The following TYK2 variants were observed in gnomAD, a reference collection of about 807,000 sequenced individuals.
TYK2 encodes the protein non-receptor tyrosine-protein kinase TYK2.
In TYK2, 65 loss-of-function variants were observed where a neutral mutation model predicts 130.9. The ratio of observed to expected loss-of-function variants is 0.50; its 90% CI spans 0.41 to 0.61. The LOEUF (loss-of-function observed/expected upper bound fraction) is 0.61. Among genes scored for constraint, TYK2 ranks in the 20% least tolerant of loss-of-function variants. The probability of loss-of-function intolerance (pLI) is 0.00; values close to 1 mark genes in which losing one functional copy is unlikely to be tolerated. For synonymous variants in TYK2, 647 were observed against 658.9 expected (o/e 0.98, Z 0.28); for missense variants, 1,378 against 1,610.7 (o/e 0.86, Z 2.47).
At chr19:10,379,535 A>C (rs926064835) in intron 2 of TYK2, 80 bp downstream of exon 2, 1 of 151,050 alleles carries the variant, frequency 6.6e-6, no homozygotes, top group African/African-American at 2.4e-5. Context: ...AAATAAATAA[A>C]TAAATAAAAA....
chr19:10,364,763 G>A lies in TYK2; in HGVS notation c.1218C>T (p.Ser406=). Residue 406 remains serine, a synonymous_variant, in exon 9 of 25, where the codon AGC becomes AGT. Transcript: ENST00000525621. This position sits in a 1 kb window ranked among gnomAD's most constrained non-coding sequence, Gnocchi z 4.9. The part of the protein sequence containing the change: ...HRQDNKCLEL[S]LPSRAAALSF... ...ACAGCGCCGCAGCCCGGGAAGGCAA[G>A]CTCAGCTCCTGCCAGCCAGGGGCGC... 6.2e-7 allele frequency: 1 copy of A among 1,613,996 alleles called. No homozygotes were observed. Among genetic ancestry groups the A allele is most frequent in the African/African-American group, 1.3e-5 (1 of 75,066 alleles).
intron 18 of TYK2, 63 bp downstream of exon 18, chr19:10,356,505 A>ATTG: frequency 6.3e-7 from 1 of 1,599,846 alleles, no homozygotes; most frequent in Non-Finnish European, 8.5e-7. Context: ...CGCTATAGGC[A>ATTG]TACAGCAGGG....
intron 17 of TYK2, 83 bp from the exon 18 acceptor site, chr19:10,356,801 A>G: frequency 2.1e-6 from 3 of 1,459,284 alleles, no homozygotes; most frequent in Non-Finnish European, 2.8e-6. Context: ...AAGTCCCCAG[A>G]GTGGACCGCC....
intron 3 of TYK2, among the ~76,000 whole-genome samples, chr19:10,369,006 G>A (rs567047824): frequency 5.3e-5 from 8 of 152,054 alleles, no homozygotes; most frequent in South Asian, 2.1e-4. Flanking sequence ...ACGAGGTTTC[G>A]CCATGTTGGC....
intron 3 of TYK2, among the ~76,000 whole-genome samples, chr19:10,371,460 G>A (rs2041904352): frequency 6.6e-6 from 1 of 151,796 alleles, no homozygotes; most frequent in Admixed American, 6.6e-5. Context: ...GACCAAAATG[G>A]AGAAACCCCG....
Position 10,378,439 on chromosome 19 carries a change from C to A in TYK2, c.-20-13G>T. The A allele has an allele frequency of 5.0e-6, 8 of 1,599,130 alleles. No homozygotes were observed. The highest frequency in any genetic ancestry group is 6.8e-6 in the Non-Finnish European group (8 of 1,177,318). ...GCAGGTGGCTCAGCTGGAAAGGGGACAATCTGTCAGCTCCCAAGTCTCAGC... is the reference window on the plus strand; with the variant it reads ...GCAGGTGGCTCAGCTGGAAAGGGGAAAATCTGTCAGCTCCCAAGTCTCAGC... On this transcript the variant is annotated splice_polypyrimidine_tract_variant and intron_variant, in intron 2 of 24. Coordinates refer to ENST00000525621, the MANE Select transcript of TYK2 (RefSeq NM_003331.5).
rs1316426026 is a variant in TYK2 at position 10,358,126 on chromosome 19, G to A, written c.2188C>T (p.Leu730=). The change falls in exon 16 of 25, where the codon CTG becomes TTG. Residue 730 remains leucine, a synonymous_variant. Coordinates refer to ENST00000525621, the MANE Select transcript of TYK2 (RefSeq NM_003331.5). The stretch of plus-strand genomic sequence containing the variant: ...CGGCCACACACATTACCATGAACCA[G>A]GTTCTTGTTCTCCTGAGGTGGGCAG... The part of the protein sequence containing the change: ...SALSYLENKN[L]VHGNVCGRNI... The A allele has an allele frequency of 1.2e-6, 2 of 1,609,432 alleles. No individual in the cohort carries two copies. The highest frequency in any genetic ancestry group is 1.7e-6 in the Non-Finnish European group (2 of 1,178,380).
rs1414549586 is a variant in TYK2 at position 10,358,051 on chromosome 19, T to C, written c.2263A>G (p.Ile755Val). Residue 755 changes from isoleucine to valine, a missense_variant, in exon 16 of 25, where the codon ATC becomes GTC. Physicochemically the swap from Ile to Val is conservative, Grantham distance 29. Transcript: ENST00000525621. The part of the protein sequence containing the change: ...LGLAEGTSPF[I>V]KLSDPGVGLG... ...CCCACGCCAGGATCACTCAGCTTGA[T>C]GAAGGGGCTGGTGCCCTCTGCCAAC... The C allele has an allele frequency of 6.2e-7, 1 of 1,613,290 alleles. No homozygotes were observed. The highest frequency in any genetic ancestry group is 8.5e-7 in the Non-Finnish European group (1 of 1,179,966).
rs138697511 is a variant in TYK2 at position 10,362,557 on chromosome 19, G to A, written c.1468C>T (p.Arg490Cys). Residue 490 changes from arginine (R) to cysteine (C), a missense_variant, in exon 10 of 25, where the codon CGT becomes TGT. By Grantham distance (180) the Arg-to-Cys change is radical. Transcript: ENST00000525621. ...PYRLILTVAQ[R>C]SQAPDGMQSL... ...CCCAGCCCTGGGCTCACCTGGCTAC[G>A]CTGGGCCACTGTGAGGATCAGGCGG... 23 of 1,554,970 alleles carry A rather than the reference G, an allele frequency of 1.5e-5. No homozygotes were observed. In the East Asian group the frequency reaches 3.9e-4, roughly 26 times the overall value.
intron 3 of TYK2, among the ~76,000 whole-genome samples, chr19:10,369,376 A>C (rs1334088787): frequency 1.3e-5 from 2 of 150,704 alleles, no homozygotes. Context: ...TTTTTTTTTA[A>C]GGGTCAGGGT....
At chr19:10,377,600 A>G (rs1237149016) in intron 3 of TYK2, among the ~76,000 whole-genome samples, 25 of 25,888 alleles carry the variant, frequency 9.7e-4, no homozygotes, top group African/African-American at 1.1e-3. Context: ...GGATGAATGG[A>G]TGGATGGGTG....
At position 10,351,071 on chromosome 19, in the gene TYK2, G is replaced by A. The variant is rs2145126358; in HGVS notation, c.3410C>T (p.Pro1137Leu). 1 of 1,614,150 alleles carries A rather than the reference G, an allele frequency of 6.2e-7. No individual in the cohort carries two copies. Among genetic ancestry groups the A allele is most frequent in the Non-Finnish European group, 8.5e-7 (1 of 1,180,034 alleles). Reference sequence around the variant, plus strand: ...TCTCACCTCACAGGGACATTTGTCGGGCCGTGGCAGCCTCTCCCCTCGTTC... The same window carrying A: ...TCTCACCTCACAGGGACATTTGTCGAGCCGTGGCAGCCTCTCCCCTCGTTC... ...LLERGERLPR[P>L]DKCPCEVYHL... is the part of the protein sequence containing the mutation. The change falls in exon 24 of 25, where the codon CCC becomes CTC. Residue 1137 changes from proline (P) to leucine (L), a missense_variant. Transcript: ENST00000525621.
intron 3 of TYK2, among the ~76,000 whole-genome samples, chr19:10,374,198 G>A (rs1373868828): frequency 6.6e-6 from 1 of 151,914 alleles, no homozygotes; most frequent in Non-Finnish European, 1.5e-5. Context: ...CCCGGAAGGC[G>A]GAGCTTGCAG....
In TYK2 at chr19:10,368,210, A is replaced by G; in HGVS notation, c.318-8T>C. The G allele has an allele frequency of 6.2e-7, 1 of 1,614,052 alleles. No homozygotes were observed. Reference sequence around the variant, plus strand: ...CAGTTCCGGAAATAAAACCTGCAGGAAGGAGGGACGCAGCTGGGGCTTAGC... The same window carrying G: ...CAGTTCCGGAAATAAAACCTGCAGGGAGGAGGGACGCAGCTGGGGCTTAGC... On this transcript the variant is annotated splice_region_variant and splice_polypyrimidine_tract_variant and intron_variant, in intron 4 of 24. Transcript: ENST00000525621.
chr19:10,356,806 A>G, intron 17 of TYK2, 88 bp from the exon 18 acceptor site: 1 of 1,405,976 alleles, frequency 7.1e-7, no homozygotes, highest in Non-Finnish European at 9.8e-7. Flanking sequence ...CCCAGAGTGG[A>G]CCGCCAGGTG....
In TYK2 at chr19:10,356,582, C is replaced by T. The variant is rs776925265; in HGVS notation, c.2603G>A (p.Arg868Gln). Residue 868 changes from arginine to glutamine, a missense_variant, in exon 18 of 25, where the codon CGG becomes CAG. Physicochemically the swap from Arg to Gln is conservative, Grantham distance 43. Transcript: ENST00000525621. ...SFRTILRDLT[R>Q]LQPHNLADVL... ...ATGGAGCTCACTGTGGGGCTGCAGC[C>T]GGGTGAGGTCACGCAGGATGGTGCG... is the stretch of plus-strand genomic sequence containing the variant. 9.9e-6 allele frequency: 16 copies of T among 1,613,204 alleles called. No individual in the cohort carries two copies. Among genetic ancestry groups the T allele is most frequent in the South Asian group, 3.3e-5 (3 of 91,034 alleles).
chr19:10,363,814 G>A (rs1757133891), intron 9 of TYK2, among the ~76,000 whole-genome samples: 1 of 152,162 alleles, frequency 6.6e-6, no homozygotes, highest in Non-Finnish European at 1.5e-5. Flanking sequence ...CTGTCTGTAC[G>A]GGGGCAGCAC....
At chr19:10,365,079 G>C (rs1397154543) in intron 7 of TYK2, 31 bp from the exon 8 acceptor site, 1 of 1,579,948 alleles carries the variant, frequency 6.3e-7, no homozygotes, top group South Asian at 1.2e-5. Flanking sequence ...GCAGAGGATG[G>C]AGAGGGCAAT....
At chr19:10,357,741 G>A in intron 17 of TYK2, 23 bp downstream of exon 17, 3 of 1,588,044 alleles carry the variant, frequency 1.9e-6, no homozygotes, top group African/African-American at 1.3e-5. Flanking sequence ...TGCGGGGAGG[G>A]CCCAAGGGTC....
Sources: gnomAD v4.1 joint callset for allele counts (sites outside exome capture counted in the v4.1 genomes callset) on GRCh38, gnomAD v4.1.1 for gene constraint, Gnocchi (gnomAD v3.1) non-coding constraint, MANE v1.5 for transcripts, NCBI Gene and HGNC (gene_info 2026-07-23, HGNC 2026-07-21) for gene names.